Variants in TTI2 observed in about 807,000 individuals in gnomAD.
The protein encoded by TTI2 is TELO2 interacting protein 2.
Under a neutral mutation model 44.9 loss-of-function variants are expected in TTI2, and 26 were observed. The observed-to-expected ratio is 0.58, with a 90% CI of 0.42 to 0.80. TTI2 has a LOEUF of 0.80. Ranked by LOEUF, TTI2 falls within the 30% of genes least tolerant of loss-of-function variation. TTI2 has a pLI of 0.00. For missense variants in TTI2, 582 were observed against 611.6 expected (o/e 0.95, Z 0.51); for synonymous variants, 254 against 250.9 (o/e 1.01, Z -0.12).
chr8:33,507,201 C>T (rs771790961), intron 4 of TTI2, 28 bp downstream of exon 4: 1 of 1,590,806 alleles, frequency 6.3e-7, no homozygotes, highest in Non-Finnish European at 8.6e-7. Context: ...AGAATCCAGA[C>T]CCAGTTATGA....
At chr8:33,510,035 G>GAAA in intron 2 of TTI2, 103 bp from the exon 3 acceptor site, 1 of 812,200 alleles carries the variant, frequency 1.2e-6, no homozygotes, top group Non-Finnish European at 1.9e-6. Context: ...TCATGTCTTT[G>GAAA]AAAAAAAAAA....
chr8:33,510,031 C>T (rs1809470215), intron 2 of TTI2, 99 bp from the exon 3 acceptor site: 1 of 931,942 alleles, frequency 1.1e-6, no homozygotes, highest in Non-Finnish European at 1.6e-6. Context: ...ATTTTCATGT[C>T]TTTGAAAAAA....
intron 4 of TTI2, among the ~76,000 whole-genome samples, chr8:33,506,575 T>C (rs1391612700): frequency 6.6e-6 from 1 of 151,832 alleles, no homozygotes; most frequent in Non-Finnish European, 1.5e-5. Flanking sequence ...CTATTTTTAG[T>C]AGAGGCGGGG....
Position 33,512,126 on chromosome 8 carries a change from C to G in TTI2, c.488G>C (p.Trp163Ser), listed in dbSNP as rs774234608. The part of the protein sequence containing the change: ...FAITHSLEQP[W>S]TTPRSREVAR... ...AACTTCCCGAGATCTCGGAGTGGTC[C>G]ATGGTTGCTCCAAGCTGTGTGTGAT... Residue 163 changes from tryptophan to serine, a missense_variant, in exon 2 of 8, where the codon TGG (tryptophan) becomes TCG (serine). Coordinates refer to ENST00000431156, the MANE Select transcript of TTI2 (RefSeq NM_001102401.4). 1.2e-6 allele frequency: 2 copies of G among 1,613,998 alleles called. No homozygotes were observed.
In TTI2 at chr8:33,507,302, T is replaced by C. The variant is rs754007275; in HGVS notation, c.854A>G (p.Gln285Arg). 1 of 1,614,212 alleles carries C rather than the reference T, an allele frequency of 6.2e-7. No individual in the cohort carries two copies. Among genetic ancestry groups the C allele is most frequent in the South Asian group, 1.1e-5 (1 of 91,086 alleles). The change falls in exon 4 of 8, where the codon CAG becomes CGG. Residue 285 changes from glutamine to arginine, a missense_variant. Gln to Arg is a conservative substitution (Grantham distance 43). Coordinates refer to ENST00000431156, the MANE Select transcript of TTI2 (RefSeq NM_001102401.4). ...GTATAGGACCTGGGCTCTGTTATAC[T>C]GGAGCAAATCAGCAGCTGGCTGCAA... The part of the protein sequence containing the change: ...VLNVPAADLL[Q>R]YNRAQVLYHA...
At chr8:33,504,969 T>C (rs1331822236) in intron 4 of TTI2, among the ~76,000 whole-genome samples, 1 of 152,214 alleles carries the variant, frequency 6.6e-6, no homozygotes, top group Non-Finnish European at 1.5e-5. Flanking sequence ...ATGCCTGTAA[T>C]CCTAGTATCT....
intron 2 of TTI2, among the ~76,000 whole-genome samples, chr8:33,511,633 A>G (rs1251248279): frequency 6.6e-6 from 1 of 152,038 alleles, no homozygotes; most frequent in Non-Finnish European, 1.5e-5. Context: ...CACGCCTGTA[A>G]TCCCAGCATT....
At chr8:33,508,854 A>T (rs1809402866) in intron 3 of TTI2, among the ~76,000 whole-genome samples, 1 of 151,858 alleles carries the variant, frequency 6.6e-6, no homozygotes. Context: ...TTGAAACTCA[A>T]CTGTAGGCCG....
chr8:33,502,224 G>A (rs1013973400), intron 6 of TTI2, among the ~76,000 whole-genome samples: 6 of 152,136 alleles, frequency 3.9e-5, no homozygotes, highest in African/African-American at 9.7e-5. Context: ...GATTACAGGC[G>A]TGAGCCACCG....
At chr8:33,507,129 A>T in intron 4 of TTI2, 100 bp downstream of exon 4, 1 of 1,073,270 alleles carries the variant, frequency 9.3e-7, no homozygotes, top group Non-Finnish European at 1.4e-6. Context: ...TCACTTTCCA[A>T]GGCAGGAAAA....
At chr8:33,504,378 C>T (rs1809222937) in intron 4 of TTI2, among the ~76,000 whole-genome samples, 1 of 137,430 alleles carries the variant, frequency 7.3e-6, no homozygotes, top group African/African-American at 2.7e-5. Flanking sequence ...CTCACTGCAA[C>T]CTCCGCTTCT....
chr8:33,501,110 T>G (rs1809060323), intron 6 of TTI2: 1 of 152,200 alleles, frequency 6.6e-6, no homozygotes, highest in Non-Finnish European at 1.5e-5. Flanking sequence ...TTAATGCCAC[T>G]GAACTGTACA....
At position 33,512,400 on chromosome 8, in the gene TTI2, C is replaced by T. The variant is rs760383736; in HGVS notation, c.214G>A (p.Gly72Ser). ...TCCGGCATTCCGCGGAGCCGTGCAC[C>T]AGTCCCCTCAAATAACCTATCAAAT... ...TEFDRLFEGT[G>S]ARLRGMPETL... Residue 72 changes from glycine (G) to serine (S), a missense_variant, in exon 2 of 8, where the codon GGT becomes AGT. By Grantham distance (56) the Gly-to-Ser change is moderately conservative. Transcript: ENST00000431156. 1.2e-6 allele frequency: 2 copies of T among 1,613,938 alleles called. No individual in the cohort carries two copies. The highest frequency in any genetic ancestry group is 1.3e-5 in the African/African-American group (1 of 74,912).
At chr8:33,500,628 A>C in intron 6 of TTI2, 138 bp from the exon 7 acceptor site, 1 of 1,082,042 alleles carries the variant, frequency 9.2e-7, no homozygotes, top group Non-Finnish European at 1.3e-6. Flanking sequence ...AAAAAGACCT[A>C]AAAACAGAAC....
chr8:33,499,184 T>C lies in TTI2; in HGVS notation c.1516A>G (p.Asn506Asp), dbSNP rs536963979. The C allele has an allele frequency of 3.7e-6, 6 of 1,613,594 alleles. No individual in the cohort carries two copies. The highest frequency in any genetic ancestry group is 3.3e-5 in the Admixed American group (2 of 60,018). Reference protein sequence around the residue: ...VQQVSEGAPYNGT With the variant: ...VQQVSEGAPYDGT ...AAGTAATACAAGTCTTAAGTTCCAT[T>C]GTAGGGTGCGCCTTCAGAAACCTGC... The change falls in exon 8 of 8, where the codon AAT (asparagine) becomes GAT (aspartate). Residue 506 changes from asparagine (N) to aspartate (D), a missense_variant. Coordinates refer to ENST00000431156, the MANE Select transcript of TTI2 (RefSeq NM_001102401.4).
In TTI2 at chr8:33,512,493, C is replaced by G. The variant is rs927726435; in HGVS notation, c.121G>C (p.Glu41Gln). ...TCTTTTACATTGCCTCGTCGTGCCT[C>G]CGGGCGGGCAAGACAGTGTAAAATC... Reference protein sequence around the residue: ...SKILHCLARPEARRGNVKDAV... With the variant: ...SKILHCLARPQARRGNVKDAV... Residue 41 changes from glutamate (E) to glutamine (Q), a missense_variant, in exon 2 of 8, where the codon GAG becomes CAG. Transcript: ENST00000431156. The G allele has an allele frequency of 6.2e-7, 1 of 1,614,150 alleles. No individual in the cohort carries two copies. Among genetic ancestry groups the G allele is most frequent in the Non-Finnish European group, 8.5e-7 (1 of 1,180,042 alleles).
At chr8:33,511,857 C>A in intron 2 of TTI2, 110 bp downstream of exon 2, 7 of 1,291,460 alleles carry the variant, frequency 5.4e-6, no homozygotes, top group Non-Finnish European at 5.4e-6. Context: ...ACATTGCACT[C>A]CACCCTGGGC....
At chr8:33,511,824 G>C in intron 2 of TTI2, 143 bp downstream of exon 2, 1 of 910,282 alleles carries the variant, frequency 1.1e-6, no homozygotes. Flanking sequence ...AGGAGGCGGA[G>C]GTTGCAGTGA....
intron 6 of TTI2, among the ~76,000 whole-genome samples, chr8:33,501,874 C>T (rs1382026102): frequency 6.6e-6 from 1 of 152,176 alleles, no homozygotes; most frequent in Non-Finnish European, 1.5e-5. Flanking sequence ...TGACACCTAC[C>T]TCAAGCCAGA....
Sources: allele counts gnomAD v4.1 joint callset (sites outside exome capture counted in the v4.1 genomes callset), GRCh38; gene constraint gnomAD v4.1.1; transcripts MANE v1.5; gene names NCBI Gene and HGNC (gene_info 2026-07-23, HGNC 2026-07-21).